Variants in HOXB3 observed in about 807,000 individuals in gnomAD.
The protein encoded by HOXB3 is homeobox protein Hox-B3.
HOXB3 carries 17 observed loss-of-function variants against 29.2 expected under a neutral mutation model. The ratio of observed to expected loss-of-function variants is 0.58; its 90% CI spans 0.40 to 0.87. The LOEUF (loss-of-function observed/expected upper bound fraction) is 0.87, where lower values mean the gene tolerates loss of function less well. Ranked by LOEUF, HOXB3 falls within the 40% of genes least tolerant of loss-of-function variation. The pLI, the probability that HOXB3 is intolerant of heterozygous loss-of-function variation, is 0.00. For synonymous variants in HOXB3, 317 were observed against 285.9 expected, an observed-to-expected ratio of 1.11 and a Z score of -1.10; for missense variants, 637 against 616.3, an observed-to-expected ratio of 1.03 and a Z score of -0.35.
At chr17:48,573,814 A>AGCCCGG in intron 2 of HOXB3, 23 bp downstream of exon 2, 1 of 701,520 alleles carries the variant, frequency 1.4e-6, no homozygotes, top group Admixed American at 2.0e-5. Flanking sequence ...AAAACACGCC[A>AGCCCGG]GCCCGGGCCC....
At chr17:48,589,934 C>T (rs2070117695) in intron 1 of HOXB3, among the ~76,000 whole-genome samples, 191 bp downstream of exon 1, 1 of 152,092 alleles carries the variant, frequency 6.6e-6, no homozygotes, top group African/African-American at 2.4e-5. Flanking sequence ...AAATCAGGCA[C>T]CCCCGACCGA....
In HOXB3 at chr17:48,551,002, T is replaced by TA; in HGVS notation, c.627dup (p.Asn210Ter). 6.2e-7 allele frequency: 1 copy of TA among 1,613,136 alleles called. No individual in the cohort carries two copies. The highest frequency in any genetic ancestry group is 8.5e-7 in the Non-Finnish European group (1 of 1,179,396). Reference sequence around the variant, plus strand: ...CGGCGAGGCCGGCACAGGTAGCGGTTAAAATGGAACTCCTTCTCCAGCTCC... The same window carrying TA: ...CGGCGAGGCCGGCACAGGTAGCGGTTAAAAATGGAACTCCTTCTCCAGCTCC... On this transcript the variant is annotated frameshift_variant, in exon 5 of 5. Coordinates refer to ENST00000498678, the MANE Select transcript of HOXB3 (RefSeq NM_001384749.1). LOFTEE classifies it high-confidence loss of function.
At chr17:48,577,968 G>T (rs773095841) in intron 1 of HOXB3, 4 of 1,313,302 alleles carry the variant, frequency 3.0e-6, no homozygotes, top group Admixed American at 3.1e-5. Context: ...GGAGGCGGCG[G>T]GGGGCTGCTG....
intron 2 of HOXB3, among the ~76,000 whole-genome samples, chr17:48,562,814 C>G (rs142283908): frequency 1.9e-4 from 29 of 152,290 alleles, no homozygotes; most frequent in African/African-American, 7.0e-4. Context: ...CCAGGCAAAG[C>G]TGGGTGTCTG....
chr17:48,552,621 C>A lies in HOXB3; in HGVS notation c.-147G>T. 1.6e-6 allele frequency: 1 copy of A among 619,900 alleles called. No homozygotes were observed. The highest frequency in any genetic ancestry group is 2.8e-6 in the Non-Finnish European group (1 of 362,974). The allele number at this position is 619,900 out of a possible 1,614,324, so 38.4% of individuals were successfully genotyped here. On this transcript the variant is annotated 5_prime_UTR_variant, in exon 4 of 5. Transcript: ENST00000498678. The stretch of plus-strand genomic sequence containing the variant: ...TGCCCCCCTCCTCCGGGGTCTGTTC[C>A]AAGCGGCTGACCTGCGAGGCGAGAG...
chr17:48,581,177 G>A (rs1399917918), intron 1 of HOXB3: 1 of 152,188 alleles, frequency 6.6e-6, no homozygotes, highest in African/African-American at 2.4e-5. Context: ...AGGTGGGTAG[G>A]AGGAGAGTTC....
intron 2 of HOXB3, among the ~76,000 whole-genome samples, chr17:48,561,549 C>G (rs1418189775): frequency 1.3e-5 from 2 of 152,254 alleles, no homozygotes; most frequent in African/African-American, 4.8e-5. Flanking sequence ...CAGATGCCCA[C>G]AGAGCTCCAG....
chr17:48,569,596 TC>T (rs2069516191), intron 2 of HOXB3, among the ~76,000 whole-genome samples: 1 of 152,156 alleles, frequency 6.6e-6, no homozygotes, highest in African/African-American at 2.4e-5. Context: ...TAAGGTTCCC[TC>T]CCCAACTCCA....
At chr17:48,551,364 G>T in intron 4 of HOXB3, 183 bp from the exon 5 acceptor site, 1 of 581,232 alleles carries the variant, frequency 1.7e-6, no homozygotes, top group East Asian at 4.4e-5. Flanking sequence ...TCGCATTAGC[G>T]GACACTCTAT....
At chr17:48,585,575 C>T (rs1020081879) in intron 1 of HOXB3, among the ~76,000 whole-genome samples, 5 of 152,210 alleles carry the variant, frequency 3.3e-5, no homozygotes, top group East Asian at 1.9e-4. Context: ...CAGCCTCTGC[C>T]TCTGGTCCAG....
At chr17:48,560,290 C>T (rs2069148776) in intron 2 of HOXB3, 1 of 152,292 alleles carries the variant, frequency 6.6e-6, no homozygotes, top group African/African-American at 2.4e-5. Flanking sequence ...CAGACAATAA[C>T]TCAGTGGATT....
intron 1 of HOXB3, chr17:48,581,416 T>G (rs770320426): frequency 6.6e-6 from 1 of 152,240 alleles, no homozygotes. Flanking sequence ...TCAGGGAGAC[T>G]AGAGTCTGGC....
intron 2 of HOXB3, among the ~76,000 whole-genome samples, chr17:48,558,021 GT>G (rs201061282): frequency 1.5e-4 from 23 of 150,968 alleles, no homozygotes; most frequent in African/African-American, 4.4e-4. Context: ...TACCTTTGGG[GT>G]TTTTTTTTCT....
At chr17:48,567,087 A>T (rs1256786860) in intron 2 of HOXB3, among the ~76,000 whole-genome samples, 2 of 152,118 alleles carry the variant, frequency 1.3e-5, no homozygotes, top group Non-Finnish European at 2.9e-5. Flanking sequence ...GCCTCTACCC[A>T]TCCCAGCCTT....
At chr17:48,585,459 G>A (rs2070029090) in intron 1 of HOXB3, among the ~76,000 whole-genome samples, 1 of 152,232 alleles carries the variant, frequency 6.6e-6, no homozygotes, top group Non-Finnish European at 1.5e-5. Context: ...AACGATGCGG[G>A]GGGGCCCGGG....
intron 1 of HOXB3, chr17:48,577,787 C>T: frequency 2.4e-6 from 3 of 1,269,830 alleles, no homozygotes; most frequent in Non-Finnish European, 2.0e-6. Flanking sequence ...TCAACCCCCC[C>T]CCAACCCATG....
intron 2 of HOXB3, among the ~76,000 whole-genome samples, chr17:48,566,330 G>A (rs1487844378): frequency 2.6e-5 from 4 of 152,168 alleles, no homozygotes; most frequent in African/African-American, 4.8e-5. Flanking sequence ...GCAAGGGATG[G>A]TCCCCTTGCT....
At chr17:48,576,874 A>T (rs2069781937) in intron 1 of HOXB3, 3 of 1,614,184 alleles carry the variant, frequency 1.9e-6, no homozygotes, top group Non-Finnish European at 2.5e-6. Context: ...TGGCGCTCGG[A>T]GAGGCAGAGC....
rs1440560575 is a variant in HOXB3 at position 48,573,926 on chromosome 17, A to T, written c.-336T>A. ...CCAAACTGAGAGAAAAAAGTTTTCAACTTTATGGTTCCAAATTTTTTCCCC... is the reference window on the plus strand; with the variant it reads ...CCAAACTGAGAGAAAAAAGTTTTCATCTTTATGGTTCCAAATTTTTTCCCC... On this transcript the variant is annotated 5_prime_UTR_variant, in exon 2 of 5. The change creates a new upstream start codon in the 5' untranslated region. Coordinates refer to ENST00000498678, the MANE Select transcript of HOXB3 (RefSeq NM_001384749.1). 2 of 696,420 alleles carry T rather than the reference A, an allele frequency of 2.9e-6. No individual in the cohort carries two copies. Among genetic ancestry groups the T allele is most frequent in the African/African-American group, 1.8e-5 (1 of 56,758 alleles). 43.1% of individuals were successfully genotyped at this position (696,420 alleles called of 1,614,324 possible).
Sources: allele counts gnomAD v4.1 joint callset (sites outside exome capture counted in the v4.1 genomes callset), GRCh38; gene constraint gnomAD v4.1.1; transcripts MANE v1.5; gene names NCBI Gene and HGNC (gene_info 2026-07-23, HGNC 2026-07-21).